Variants in ZNF366 observed in about 807,000 individuals in gnomAD.
ZNF366 encodes dendritic cell-specific transcript protein.
In ZNF366, 20 loss-of-function variants were observed where a neutral mutation model predicts 47.2. The observed-to-expected ratio is 0.42, with a 90% confidence interval of 0.30 to 0.62. The LOEUF (loss-of-function observed/expected upper bound fraction) is 0.62, where lower values mean the gene tolerates loss of function less well. Among genes scored for constraint, ZNF366 ranks in the 20% least tolerant of loss-of-function variants. The pLI is 0.16. For missense variants in ZNF366, 987 were observed against 976.3 expected, an observed-to-expected ratio of 1.01 and a Z score of -0.15; for synonymous variants, 421 against 395.1, an observed-to-expected ratio of 1.07 and a Z score of -0.78.
chr5:72,460,345 G>T lies in ZNF366; in HGVS notation c.1152C>A (p.Leu384=). 6.2e-7 allele frequency: 1 copy of T among 1,614,260 alleles called. No homozygotes were observed. The highest frequency in any genetic ancestry group is 2.2e-5 in the East Asian group (1 of 44,886). ...FPTLAQLKRH[L]TTHRGPIQYN... The stretch of plus-strand genomic sequence containing the variant: ...ACTGGATGGGGCCCCGGTGCGTGGT[G>T]AGGTGTCTCTTCAGCTGGGCCAAGG... The change falls in exon 2 of 5, where the codon CTC becomes CTA. Residue 384 remains leucine, a synonymous_variant. Coordinates refer to ENST00000318442, the MANE Select transcript of ZNF366 (RefSeq NM_152625.3).
In ZNF366 at chr5:72,443,732, A is replaced by T; in HGVS notation, c.*24T>A. On this transcript the variant is annotated 3_prime_UTR_variant, in exon 5 of 5. Transcript: ENST00000318442. ...TTGAACTGCCTCCTTCTCATTTTCCAAATGTAATTTTAAAACTGTCCACTT... is the reference window on the plus strand; with the variant it reads ...TTGAACTGCCTCCTTCTCATTTTCCTAATGTAATTTTAAAACTGTCCACTT... 1 of 1,589,302 alleles carries T rather than the reference A, an allele frequency of 6.3e-7. No individual in the cohort carries two copies. The highest frequency in any genetic ancestry group is 8.6e-7 in the Non-Finnish European group (1 of 1,168,720).
chr5:72,490,937 C>T (rs1306931026), intron 1 of ZNF366, among the ~76,000 whole-genome samples: 1 of 152,170 alleles, frequency 6.6e-6, no homozygotes, highest in African/African-American at 2.4e-5. Flanking sequence ...GCCCTGAGAC[C>T]CTCTTCTCCC....
At chr5:72,505,995 T>C (rs1459168554) in intron 1 of ZNF366, among the ~76,000 whole-genome samples, 2 of 152,244 alleles carry the variant, frequency 1.3e-5, no homozygotes, top group African/African-American at 4.8e-5. Flanking sequence ...AAAAGCTACA[T>C]CACAGTCTAG....
At chr5:72,501,240 C>G (rs967335733) in intron 1 of ZNF366, among the ~76,000 whole-genome samples, 1 of 152,138 alleles carries the variant, frequency 6.6e-6, no homozygotes, top group Non-Finnish European at 1.5e-5. Flanking sequence ...CAGTGGCCAT[C>G]AAAGAATGAG....
intron 1 of ZNF366, among the ~76,000 whole-genome samples, chr5:72,479,442 TA>T (rs939479800): frequency 1.3e-5 from 2 of 151,552 alleles, no homozygotes; most frequent in Admixed American, 6.6e-5. Flanking sequence ...AAAAGAAAAA[TA>T]AAAAAATCCT....
chr5:72,459,493 T>C (rs1475543783), intron 2 of ZNF366, among the ~76,000 whole-genome samples: 2 of 152,170 alleles, frequency 1.3e-5, no homozygotes, highest in Non-Finnish European at 2.9e-5. Context: ...TGGGCCTGTA[T>C]TTCCCCTTGA....
intron 1 of ZNF366, among the ~76,000 whole-genome samples, chr5:72,486,840 T>C (rs1580250508): frequency 6.6e-6 from 1 of 152,230 alleles, no homozygotes; most frequent in East Asian, 1.9e-4. Flanking sequence ...CAATGGCCTC[T>C]GATCTGGGCT....
intron 3 of ZNF366, among the ~76,000 whole-genome samples, chr5:72,448,175 A>T (rs1742995415): frequency 6.6e-6 from 1 of 152,196 alleles, no homozygotes; most frequent in Admixed American, 6.5e-5. Context: ...TTTCAAAGAT[A>T]AAAAAATGAA....
At chr5:72,465,192 G>A (rs527872033) in intron 1 of ZNF366, among the ~76,000 whole-genome samples, 1 of 152,338 alleles carries the variant, frequency 6.6e-6, no homozygotes, top group South Asian at 2.1e-4. Flanking sequence ...GGTCCCTACA[G>A]AGGTCAAGGA....
chr5:72,500,127 C>T (rs1744187526), intron 1 of ZNF366, among the ~76,000 whole-genome samples: 1 of 152,192 alleles, frequency 6.6e-6, no homozygotes, highest in South Asian at 2.1e-4. Flanking sequence ...GAAGCGGGTC[C>T]TCCCTTTCTC....
chr5:72,452,698 C>A (rs1172670916), intron 3 of ZNF366, among the ~76,000 whole-genome samples: 2 of 152,226 alleles, frequency 1.3e-5, no homozygotes, highest in African/African-American at 2.4e-5. Flanking sequence ...TTCAGATGAC[C>A]TGGTGATTCA....
At chr5:72,496,870 C>T (rs1744121652) in intron 1 of ZNF366, among the ~76,000 whole-genome samples, 1 of 152,098 alleles carries the variant, frequency 6.6e-6, no homozygotes, top group Admixed American at 6.6e-5. Flanking sequence ...TTTTAGTTTG[C>T]ATTTTCGTAA....
chr5:72,466,994 T>G (rs1227847796), intron 1 of ZNF366, among the ~76,000 whole-genome samples: 1 of 152,156 alleles, frequency 6.6e-6, no homozygotes, highest in Non-Finnish European at 1.5e-5. Flanking sequence ...AGGGCAGTCA[T>G]GGGTAGAAAG....
Position 72,456,453 on chromosome 5 carries a change from A to C in ZNF366, c.1475T>G (p.Leu492Arg). ...CYKSFVQKQT[L>R]KAHMIVHSDV... ...AGAGTGGACGATCATGTGTGCCTTG[A>C]GGGTCTGCTTCTGCACGAAGCTCTT... The change falls in exon 3 of 5, where the codon CTC (leucine) becomes CGC (arginine). Residue 492 changes from leucine (L) to arginine (R), a missense_variant. Leu to Arg is a moderately radical substitution (Grantham distance 102). Transcript: ENST00000318442. 6.2e-7 allele frequency: 1 copy of C among 1,613,516 alleles called. No homozygotes were observed. Among genetic ancestry groups the C allele is most frequent in the Non-Finnish European group, 8.5e-7 (1 of 1,179,542 alleles).
At position 72,460,831 on chromosome 5, in the gene ZNF366, G is replaced by T. The variant is rs371586695; in HGVS notation, c.666C>A (p.Ser222Arg). 6.2e-7 allele frequency: 1 copy of T among 1,614,046 alleles called. No homozygotes were observed. The highest frequency in any genetic ancestry group is 8.5e-7 in the Non-Finnish European group (1 of 1,179,988). ...TCTCCACCTTCTGCTTGGTCTCCTCGCTCTCCTGGGGCTCGGCTTTCCGGG... is the reference window on the plus strand; with the variant it reads ...TCTCCACCTTCTGCTTGGTCTCCTCTCTCTCCTGGGGCTCGGCTTTCCGGG... Reference protein sequence around the residue: ...LLPRKAEPQESEETKQKVERV... With the variant: ...LLPRKAEPQEREETKQKVERV... Residue 222 changes from serine to arginine, a missense_variant, in exon 2 of 5, where the codon AGC becomes AGA. Transcript: ENST00000318442.
intron 3 of ZNF366, among the ~76,000 whole-genome samples, chr5:72,451,942 T>C (rs897660520): frequency 1.3e-5 from 2 of 152,182 alleles, no homozygotes; most frequent in Non-Finnish European, 2.9e-5. Context: ...TGGAGGCACC[T>C]CAGGCACTTG....
chr5:72,455,846 AG>A (rs1375742993), intron 3 of ZNF366, among the ~76,000 whole-genome samples: 3 of 152,124 alleles, frequency 2.0e-5, no homozygotes, highest in African/African-American at 7.2e-5. Context: ...AGCATTTCTG[AG>A]GGCCTCTGAG....
Position 72,443,690 on chromosome 5 carries a change from C to A in ZNF366, c.*66G>T. 1 of 1,500,794 alleles carries A rather than the reference C, an allele frequency of 6.7e-7. No individual in the cohort carries two copies. The highest frequency in any genetic ancestry group is 9.0e-7 in the Non-Finnish European group (1 of 1,113,126). 93.0% of individuals were successfully genotyped at this position (1,500,794 alleles called of 1,614,324 possible). A position where few individuals can be genotyped will look rare whatever the true frequency, so the allele number is the denominator to read the frequency against. ...CGCCAGTCTCCAGAAAATGACAGTT[C>A]ATGCAGAAAGCTATATTTGAACTGC... On this transcript the variant is annotated 3_prime_UTR_variant, in exon 5 of 5. Transcript: ENST00000318442.
intron 4 of ZNF366, among the ~76,000 whole-genome samples, chr5:72,445,074 A>G (rs1044349378): frequency 1.1e-4 from 17 of 152,224 alleles, no homozygotes; most frequent in Non-Finnish European, 1.0e-4. Flanking sequence ...CTACTCATAG[A>G]CAGGGTAGAG....
Sources: gnomAD v4.1 joint callset for allele counts (sites outside exome capture counted in the v4.1 genomes callset) on GRCh38, gnomAD v4.1.1 for gene constraint, MANE v1.5 for transcripts, NCBI Gene and HGNC (gene_info 2026-07-23, HGNC 2026-07-21) for gene names.